Variants in SH3BGR observed in about 807,000 individuals in gnomAD.
The protein encoded by SH3BGR is SH3 domain-binding glutamic acid-rich protein.
A neutral mutation model predicts 24.5 loss-of-function variants in SH3BGR; 29 were observed. The observed-to-expected ratio is 1.18, with a 90% CI of 0.88 to 1.61. The LOEUF is 1.61. Ranked by LOEUF, SH3BGR falls within the 40% of genes most tolerant of loss-of-function variation. The pLI, the probability that SH3BGR is intolerant of heterozygous loss-of-function variation, is 0.00. For synonymous variants in SH3BGR, 55 were observed against 65.7 expected, an observed-to-expected ratio of 0.84 and a Z score of 0.79; for missense variants, 162 against 205.8, an observed-to-expected ratio of 0.79 and a Z score of 1.30.
chr21:39,508,965 T>C, intron 4 of SH3BGR, 33 bp from the exon 5 acceptor site: 1 of 1,567,636 alleles, frequency 6.4e-7, no homozygotes, highest in Non-Finnish European at 8.7e-7. Flanking sequence ...TTGAATTATG[T>C]TTTTTTCTTT....
chr21:39,466,327 A>G (rs1401019247), intron 2 of SH3BGR, among the ~76,000 whole-genome samples: 1 of 152,246 alleles, frequency 6.6e-6, no homozygotes, highest in African/African-American at 2.4e-5. Flanking sequence ...AACATCTTTT[A>G]AAACTACATT....
At chr21:39,454,638 G>A (rs2077626347) in intron 1 of SH3BGR, among the ~76,000 whole-genome samples, 1 of 152,158 alleles carries the variant, frequency 6.6e-6, no homozygotes, top group East Asian at 1.9e-4. Flanking sequence ...GATCTTTAAG[G>A]ACAGACCCTC....
intron 4 of SH3BGR, 74 bp from the exon 5 acceptor site, chr21:39,508,924 G>T (rs1602178177): frequency 5.3e-6 from 6 of 1,124,492 alleles, no homozygotes; most frequent in Non-Finnish European, 5.3e-6. Flanking sequence ...ATTATAGTTT[G>T]CTTGATTTTC....
At chr21:39,509,141 C>A in intron 5 of SH3BGR, 114 bp downstream of exon 5, 1 of 723,500 alleles carries the variant, frequency 1.4e-6, no homozygotes, top group Non-Finnish European at 2.3e-6. Context: ...GCGATGCAAC[C>A]CACACACCCA....
chr21:39,490,181 A>G (rs1056982065), intron 3 of SH3BGR, among the ~76,000 whole-genome samples: 1 of 152,364 alleles, frequency 6.6e-6, no homozygotes, highest in African/African-American at 2.4e-5. Context: ...GAAGCATTTC[A>G]GAACATTTAT....
chr21:39,496,493 C>A (rs1252765491), intron 3 of SH3BGR, among the ~76,000 whole-genome samples: 2 of 121,844 alleles, frequency 1.6e-5, no homozygotes, highest in African/African-American at 6.4e-5. Context: ...GGCGACAGAG[C>A]GAGACTCCGT....
intron 1 of SH3BGR, among the ~76,000 whole-genome samples, chr21:39,457,329 A>T (rs1476494923): frequency 7.0e-6 from 1 of 142,948 alleles, no homozygotes; most frequent in Non-Finnish European, 1.5e-5. Context: ...TATATATAAG[A>T]TTATTATATA....
At chr21:39,469,415 T>C (rs2077899590) in intron 2 of SH3BGR, among the ~76,000 whole-genome samples, 1 of 151,808 alleles carries the variant, frequency 6.6e-6, no homozygotes, top group Admixed American at 6.6e-5. Flanking sequence ...CTTATATCTT[T>C]ATAGCTAATT....
intron 3 of SH3BGR, among the ~76,000 whole-genome samples, chr21:39,498,175 A>G (rs997392255): frequency 5.4e-4 from 82 of 152,364 alleles, no homozygotes; most frequent in African/African-American, 1.8e-3. Flanking sequence ...ACAAAAATAA[A>G]AGAAAAATGA....
At chr21:39,491,259 C>T (rs1196118695) in intron 3 of SH3BGR, among the ~76,000 whole-genome samples, 1 of 151,980 alleles carries the variant, frequency 6.6e-6, no homozygotes, top group Non-Finnish European at 1.5e-5. Context: ...AAGCGATTCT[C>T]CTGCCTCAGT....
chr21:39,446,548 C>T (rs1189985026), intron 1 of SH3BGR, among the ~76,000 whole-genome samples: 1 of 152,124 alleles, frequency 6.6e-6, no homozygotes, highest in Non-Finnish European at 1.5e-5. Flanking sequence ...ATACTTGGCC[C>T]GCATTGGAAA....
intron 4 of SH3BGR, among the ~76,000 whole-genome samples, 164 bp downstream of exon 4, chr21:39,500,079 A>G (rs888864173): frequency 6.6e-6 from 1 of 152,178 alleles, no homozygotes; most frequent in African/African-American, 2.4e-5. Flanking sequence ...TGTGTTAAGC[A>G]CTGGAATCCT....
At position 39,515,434 on chromosome 21, in the gene SH3BGR, A is replaced by T. The variant is rs139327614; in HGVS notation, c.*381A>T. On this transcript the variant is annotated 3_prime_UTR_variant, in exon 7 of 7. Transcript: ENST00000333634. The stretch of plus-strand genomic sequence containing the variant: ...TCTTCAAATGCGCCTTATGCTACTT[A>T]TCTCAGAAACAGGTTTTAAAATGAA... 6.4e-6 allele frequency: 1 copy of T among 156,882 alleles called. No homozygotes were observed. Among genetic ancestry groups the T allele is most frequent in the East Asian group, 1.9e-4 (1 of 5,302 alleles). The allele number at this position is 156,882 out of a possible 1,614,324, so 9.7% of individuals were successfully genotyped here.
chr21:39,463,240 A>G (rs1202245298), intron 2 of SH3BGR, among the ~76,000 whole-genome samples: 1 of 152,236 alleles, frequency 6.6e-6, no homozygotes, highest in Non-Finnish European at 1.5e-5. Flanking sequence ...TAGATACAAG[A>G]TACATTTGTG....
Position 39,452,061 on chromosome 21 carries a change from G to T in SH3BGR, c.-36G>T. ...GTCTAGCGGCGCATTCCCTGACAGG[G>T]GTGTGTTGGGGGGAGTCCTCTTTCC... On this transcript the variant is annotated 5_prime_UTR_variant, in exon 1 of 7. Transcript: ENST00000333634. The T allele has an allele frequency of 6.2e-7, 1 of 1,614,070 alleles. No homozygotes were observed. The highest frequency in any genetic ancestry group is 2.2e-5 in the East Asian group (1 of 44,868).
chr21:39,464,248 G>A (rs1327100842), intron 2 of SH3BGR, among the ~76,000 whole-genome samples: 4 of 151,976 alleles, frequency 2.6e-5, no homozygotes, highest in Non-Finnish European at 5.9e-5. Context: ...TTGAGATGGA[G>A]TTTCTCTCTT....
At position 39,490,201 on chromosome 21, in the gene SH3BGR, G is replaced by A. The variant is rs537114516; in HGVS notation, c.313-9622G>A. The stretch of plus-strand genomic sequence containing the variant: ...ATTTCAGAACATTTATGTTAACAAG[G>A]CCGGGAGGCAGAGCTGAGGAAAACA... On this transcript the variant is annotated intron_variant, in intron 3 of 6. Transcript: ENST00000333634. 1.3e-5 allele frequency among the ~76,000 whole-genome samples: 2 copies of A among 152,274 alleles called. 1 individual carries two copies. The highest frequency in any genetic ancestry group is 4.1e-4 in the South Asian group (2 of 4,826).
chr21:39,454,847 T>C (rs972996066), intron 1 of SH3BGR, among the ~76,000 whole-genome samples: 6 of 152,222 alleles, frequency 3.9e-5, no homozygotes, highest in African/African-American at 1.4e-4. Context: ...ACTGGGATGG[T>C]AGTGTGCTAT....
chr21:39,458,457 G>A (rs2148454253), intron 1 of SH3BGR, among the ~76,000 whole-genome samples: 1 of 152,080 alleles, frequency 6.6e-6, no homozygotes, highest in South Asian at 2.1e-4. Context: ...TCCTGCCTCA[G>A]CCTCCTGAGT....
Sources: gnomAD v4.1 joint callset for allele counts (sites outside exome capture counted in the v4.1 genomes callset) on GRCh38, gnomAD v4.1.1 for gene constraint, MANE v1.5 for transcripts, NCBI Gene and HGNC (gene_info 2026-07-23, HGNC 2026-07-21) for gene names.